The following RBFOX3 variants were observed in gnomAD, a reference collection of about 807,000 sequenced individuals.
The protein encoded by RBFOX3 is RNA binding fox-1 homolog 3.
RBFOX3 carries 17 observed loss-of-function variants against 48.7 expected under a neutral mutation model. The observed-to-expected ratio is 0.35, with a 90% CI of 0.24 to 0.52. RBFOX3 has a LOEUF of 0.52. RBFOX3 is among the 20% of genes least tolerant of loss of function. The pLI, the probability that RBFOX3 is intolerant of heterozygous loss-of-function variation, is 0.94. For missense variants in RBFOX3, 382 were observed against 497.5 expected (o/e 0.77, Z 2.21); for synonymous variants, 212 against 209.5 (o/e 1.01, Z -0.10).
intron 1 of RBFOX3, among the ~76,000 whole-genome samples, chr17:79,505,373 C>T (rs2082953090): frequency 6.6e-6 from 1 of 152,102 alleles, no homozygotes; most frequent in South Asian, 2.1e-4. Flanking sequence ...TATAAATACC[C>T]CAGCTCCCTC....
chr17:79,284,982 G>C (rs1567976314), intron 3 of RBFOX3, among the ~76,000 whole-genome samples: 2 of 152,162 alleles, frequency 1.3e-5, no homozygotes, highest in Admixed American at 6.5e-5. Flanking sequence ...TTTGTAAATG[G>C]TCATGGATTC....
At chr17:79,625,185 G>A in the RBFOX3 span, among the ~76,000 whole-genome samples, 1 of 151,854 alleles carries the variant, frequency 6.6e-6, no homozygotes, top group East Asian at 1.9e-4. Context: ...CCCCACCCCC[G>A]GGCAACCACT....
chr17:79,250,653 T>C (rs1267374019), intron 3 of RBFOX3, among the ~76,000 whole-genome samples: 1 of 152,168 alleles, frequency 6.6e-6, no homozygotes, highest in Admixed American at 6.5e-5. Flanking sequence ...CTCTGATTTA[T>C]AAAAATAAAG....
intron 4 of RBFOX3, among the ~76,000 whole-genome samples, chr17:79,155,162 G>A (rs1355149454): frequency 6.6e-6 from 1 of 152,244 alleles, no homozygotes; most frequent in African/African-American, 2.4e-5. Context: ...CTAGTGCCGC[G>A]TCCCTCCCCG....
chr17:79,439,348 A>G (rs1555733305), intron 2 of RBFOX3, among the ~76,000 whole-genome samples: 1 of 152,222 alleles, frequency 6.6e-6, no homozygotes, highest in African/African-American at 2.4e-5. Context: ...CTGTTGTGTC[A>G]TTGATTTTTA....
chr17:79,170,584 G>A (rs367659123), intron 4 of RBFOX3, among the ~76,000 whole-genome samples: 3 of 152,186 alleles, frequency 2.0e-5, no homozygotes, highest in East Asian at 1.9e-4. Flanking sequence ...CCCCTCCGTG[G>A]TGTGTCCGTT....
At chr17:79,366,635 C>G (rs1030687096) in intron 2 of RBFOX3, among the ~76,000 whole-genome samples, 26 of 152,316 alleles carry the variant, frequency 1.7e-4, no homozygotes, top group African/African-American at 6.0e-4. Context: ...ACAGTCGATC[C>G]CAGCCGCCTC....
chr17:79,106,896 T>C, intron 5 of RBFOX3, 108 bp from the exon 6 acceptor site: 1 of 1,356,948 alleles, frequency 7.4e-7, no homozygotes, highest in Non-Finnish European at 9.6e-7. Flanking sequence ...CCCACCCTTC[T>C]GGGCCTCTCC....
chr17:79,334,790 T>C (rs2080934774), intron 2 of RBFOX3, among the ~76,000 whole-genome samples: 1 of 152,224 alleles, frequency 6.6e-6, no homozygotes, highest in Admixed American at 6.5e-5. Context: ...TCTCAGAGGA[T>C]GCTTGTGAGC....
the RBFOX3 span, among the ~76,000 whole-genome samples, chr17:79,629,142 G>A: frequency 6.6e-6 from 1 of 152,206 alleles, no homozygotes; most frequent in East Asian, 1.9e-4. Flanking sequence ...GGAGACAGGT[G>A]GGTGAACAGC....
intron 2 of RBFOX3, among the ~76,000 whole-genome samples, chr17:79,339,063 C>T (rs1409510263): frequency 2.0e-5 from 3 of 146,560 alleles, no homozygotes; most frequent in Non-Finnish European, 4.5e-5. Flanking sequence ...CTTTTCTTTT[C>T]TTTTTTTTTT....
intron 1 of RBFOX3, among the ~76,000 whole-genome samples, chr17:79,553,311 G>C (rs1250690691): frequency 6.6e-6 from 1 of 152,138 alleles, no homozygotes; most frequent in Non-Finnish European, 1.5e-5. Flanking sequence ...TGCATTGCTA[G>C]AATAAACTCC....
At chr17:79,565,134 AATAT>A (rs1259033705) in intron 1 of RBFOX3, among the ~76,000 whole-genome samples, 1 of 107,060 alleles carries the variant, frequency 9.3e-6, no homozygotes, top group East Asian at 2.9e-4. Flanking sequence ...TTTATTTTAA[AATAT>A]GTATTTTTTT....
In RBFOX3 at chr17:79,512,871, C is replaced by A. The variant is rs1369978113; in HGVS notation, c.-319-30273G>T. 2.8e-5 allele frequency among the ~76,000 whole-genome samples: 4 copies of A among 140,720 alleles called. 1 individual carries two copies. In the East Asian group the frequency reaches 6.7e-4, roughly 24 times the overall value. 92.3% of individuals were successfully genotyped at this position (140,720 alleles called of 152,430 possible). ...GGCCCCATGGCCAGGGGACGCACAC[C>A]CGGATACGTATTACCATCGGCTACG... On this transcript the variant is annotated intron_variant, in intron 1 of 14. Coordinates refer to ENST00000693108, the MANE Select transcript of RBFOX3 (RefSeq NM_001350451.2).
rs138512669 is a variant in RBFOX3 at position 79,119,490 on chromosome 17, A to G, written c.-33-3742T>C. 3.5e-3 allele frequency among the ~76,000 whole-genome samples: 533 copies of G among 152,206 alleles called. 4 individuals carry two copies. The highest frequency in any genetic ancestry group is 0.012 in the African/African-American group (506 of 41,536). On this transcript the variant is annotated intron_variant, in intron 4 of 14. Coordinates refer to ENST00000693108, the MANE Select transcript of RBFOX3 (RefSeq NM_001350451.2). ...CCAAACCCACCATATGCACCTCCACATGGAATTGTAGCCCTGCCCAGGGTG... is the reference window on the plus strand; with the variant it reads ...CCAAACCCACCATATGCACCTCCACGTGGAATTGTAGCCCTGCCCAGGGTG...
intron 3 of RBFOX3, among the ~76,000 whole-genome samples, chr17:79,276,083 A>G (rs540401154): frequency 1.4e-4 from 21 of 152,216 alleles, no homozygotes; most frequent in South Asian, 4.1e-4. Flanking sequence ...CCGTGGATGA[A>G]CCCTGAAGAC....
chr17:79,287,806 C>T (rs571697840), intron 3 of RBFOX3, among the ~76,000 whole-genome samples: 2 of 152,270 alleles, frequency 1.3e-5, no homozygotes, highest in South Asian at 2.1e-4. Context: ...GACACCTTGG[C>T]CTGTGCTGAC....
intron 4 of RBFOX3, among the ~76,000 whole-genome samples, chr17:79,142,642 C>T (rs1188632559): frequency 6.6e-6 from 1 of 152,138 alleles, no homozygotes; most frequent in African/African-American, 2.4e-5. Flanking sequence ...AGTCTGTCTT[C>T]TCCACGTAGA....
chr17:79,436,111 C>A (rs1333323232), intron 2 of RBFOX3, among the ~76,000 whole-genome samples: 1 of 152,198 alleles, frequency 6.6e-6, no homozygotes, highest in East Asian at 1.9e-4. Flanking sequence ...TGGGTCTACA[C>A]CACAGAGCGG....
Sources: allele counts gnomAD v4.1 joint callset (sites outside exome capture counted in the v4.1 genomes callset), GRCh38; gene constraint gnomAD v4.1.1; transcripts MANE v1.5; gene names NCBI Gene and HGNC (gene_info 2026-07-23, HGNC 2026-07-21).